The following DLG2 variants were observed in gnomAD, a reference collection of about 807,000 sequenced individuals.
DLG2 encodes discs large MAGUK scaffold protein 2, also known as disks large homolog 2.
In DLG2, 45 loss-of-function variants were observed where a neutral mutation model predicts 132.5. That is an observed-to-expected ratio of 0.34 (90% CI 0.27 to 0.44). The LOEUF (loss-of-function observed/expected upper bound fraction) is 0.44, where lower values mean the gene tolerates loss of function less well. Ranked by LOEUF, DLG2 falls within the 20% of genes least tolerant of loss-of-function variation. The probability of loss-of-function intolerance (pLI) is 1.00; values close to 1 mark genes in which losing one functional copy is unlikely to be tolerated. For missense variants in DLG2, 1,045 were observed against 1,196.9 expected (o/e 0.87, Z 1.87); for synonymous variants, 424 against 419.6 (o/e 1.01, Z -0.13).
At chr11:84,974,021 G>T (rs1335400320) in intron 6 of DLG2, among the ~76,000 whole-genome samples, 1 of 152,158 alleles carries the variant, frequency 6.6e-6, no homozygotes, top group Admixed American at 6.6e-5. Flanking sequence ...AAAGTAGATA[G>T]TCCCATTTAT....
At chr11:84,034,112 T>C (rs2154095205) in intron 11 of DLG2, among the ~76,000 whole-genome samples, 1 of 151,596 alleles carries the variant, frequency 6.6e-6, no homozygotes, top group African/African-American at 2.4e-5. Flanking sequence ...AATAATAAAA[T>C]AAAATAAAAT....
chr11:83,884,216 TG>T lies in DLG2; in HGVS notation c.1497-9729del, dbSNP rs945973690. On this transcript the variant is annotated intron_variant, in intron 15 of 27. Transcript: ENST00000376104. ...AAAGAAAGGGGTGACAGATGGCACCTGGAAAATCGGGTCACTCCCACCCTAA... is the reference window on the plus strand; with the variant it reads ...AAAGAAAGGGGTGACAGATGGCACCTGAAAATCGGGTCACTCCCACCCTAA... Among the ~76,000 whole-genome samples, 132 of 152,310 alleles carry T rather than the reference TG, an allele frequency of 8.7e-4. 1 individual carries two copies. The highest frequency in any genetic ancestry group is 3.0e-3 in the African/African-American group (125 of 41,572).
chr11:84,836,720 T>C (rs2079837729), intron 6 of DLG2, among the ~76,000 whole-genome samples: 1 of 151,896 alleles, frequency 6.6e-6, no homozygotes, highest in Admixed American at 6.6e-5. Flanking sequence ...ATCTTTTATA[T>C]GTTCTATTTC....
chr11:84,673,896 G>C (rs1201652335), intron 6 of DLG2, among the ~76,000 whole-genome samples: 1 of 152,110 alleles, frequency 6.6e-6, no homozygotes, highest in African/African-American at 2.4e-5. Flanking sequence ...CACAGGGACA[G>C]CAAACAAATG....
intron 14 of DLG2, among the ~76,000 whole-genome samples, chr11:83,947,267 T>C (rs552615041): frequency 6.6e-6 from 1 of 152,150 alleles, no homozygotes; most frequent in Non-Finnish European, 1.5e-5. Flanking sequence ...AAATGAATAA[T>C]CAGTTTCTTT....
chr11:84,515,494 G>T (rs1434100137), intron 7 of DLG2, among the ~76,000 whole-genome samples: 1 of 151,666 alleles, frequency 6.6e-6, no homozygotes, highest in Non-Finnish European at 1.5e-5. Context: ...AGAGATAAAG[G>T]TTATTATATA....
chr11:84,024,820 T>G (rs984647602), intron 11 of DLG2, among the ~76,000 whole-genome samples: 1 of 151,662 alleles, frequency 6.6e-6, no homozygotes, highest in Non-Finnish European at 1.5e-5. Context: ...TTTTCTTTTT[T>G]TTTTTTTGGG....
chr11:83,482,545 A>ATATT (rs2093204937), intron 22 of DLG2, among the ~76,000 whole-genome samples: 3 of 152,132 alleles, frequency 2.0e-5, no homozygotes, highest in African/African-American at 4.8e-5. Flanking sequence ...AAGGCTTAAT[A>ATATT]TATTTTCTTT....
chr11:83,994,149 G>T (rs1180052554), intron 11 of DLG2, among the ~76,000 whole-genome samples: 1 of 151,992 alleles, frequency 6.6e-6, no homozygotes, highest in Non-Finnish European at 1.5e-5. Context: ...TTTCTACATA[G>T]AATTAGAATA....
At chr11:84,492,800 G>T (rs188036945) in intron 7 of DLG2, among the ~76,000 whole-genome samples, 75 of 152,166 alleles carry the variant, frequency 4.9e-4, no homozygotes, top group African/African-American at 1.8e-3. Flanking sequence ...AGGTTGAGAA[G>T]TACTGTTTTA....
intron 6 of DLG2, among the ~76,000 whole-genome samples, chr11:85,082,190 C>A (rs186936108): frequency 4.8e-4 from 73 of 152,182 alleles, no homozygotes; most frequent in Admixed American, 7.9e-4. Flanking sequence ...CTCCTGCTCC[C>A]TAAACACATT....
chr11:84,312,814 A>G (rs985443947), intron 7 of DLG2, among the ~76,000 whole-genome samples: 1 of 151,908 alleles, frequency 6.6e-6, no homozygotes, highest in Non-Finnish European at 1.5e-5. Flanking sequence ...TATTATTAGT[A>G]GTAGTATTAT....
rs1434153258 is a variant in DLG2 at position 85,313,068 on chromosome 11, G to GT, written c.41-27704dup. On this transcript the variant is annotated intron_variant, in intron 3 of 27. Transcript: ENST00000376104. Reference sequence around the variant, plus strand: ...TTTGAGACGAGACCATACATGATGTGTGTCACATCTAGACCTGACCAATAA... The same window carrying GT: ...TTTGAGACGAGACCATACATGATGTGTTGTCACATCTAGACCTGACCAATAA... 3.9e-5 allele frequency among the ~76,000 whole-genome samples: 6 copies of GT among 151,986 alleles called. No individual in the cohort carries two copies. The East Asian group carries it at 7.7e-4, about 20-fold the overall frequency.
At chr11:83,524,625 C>T (rs2095560275) in intron 21 of DLG2, among the ~76,000 whole-genome samples, 1 of 152,150 alleles carries the variant, frequency 6.6e-6, no homozygotes, top group South Asian at 2.1e-4. Context: ...CTGAATTCCT[C>T]CCAAGGCTTT....
chr11:83,759,405 TG>T (rs2093800151), intron 18 of DLG2, among the ~76,000 whole-genome samples: 1 of 152,230 alleles, frequency 6.6e-6, no homozygotes, highest in Admixed American at 6.5e-5. Context: ...GCCGTTCAGA[TG>T]GGGGGCATCC....
intron 19 of DLG2, among the ~76,000 whole-genome samples, chr11:83,542,702 T>G (rs1421156357): frequency 2.0e-5 from 3 of 152,164 alleles, no homozygotes; most frequent in African/African-American, 7.2e-5. Flanking sequence ...ATCAAAATGA[T>G]GAACCAGACC....
At chr11:85,286,141 G>T in intron 3 of DLG2, 1 of 450,576 alleles carries the variant, frequency 2.2e-6, no homozygotes, top group South Asian at 1.6e-5. Context: ...CCAAAGTCAA[G>T]GAAACTATAC....
chr11:84,483,176 T>C (rs2099142128), intron 7 of DLG2, among the ~76,000 whole-genome samples: 2 of 152,154 alleles, frequency 1.3e-5, no homozygotes, highest in South Asian at 4.2e-4. Context: ...CTCACACCTG[T>C]AATCCCAGCA....
intron 6 of DLG2, among the ~76,000 whole-genome samples, chr11:84,925,601 TTCA>T (rs2092948144): frequency 6.6e-6 from 1 of 152,170 alleles, no homozygotes; most frequent in Non-Finnish European, 1.5e-5. Context: ...AGGCAAGGAA[TTCA>T]TCAGAACAGT....
Sources: allele counts gnomAD v4.1 joint callset (sites outside exome capture counted in the v4.1 genomes callset), GRCh38; gene constraint gnomAD v4.1.1; transcripts MANE v1.5; gene names NCBI Gene and HGNC (gene_info 2026-07-23, HGNC 2026-07-21).